Variants in PCDHA4 observed in about 807,000 individuals in gnomAD.
PCDHA4 encodes the protein protocadherin alpha 4.
A neutral mutation model predicts 61.4 loss-of-function variants in PCDHA4; 49 were observed. The ratio of observed to expected loss-of-function variants is 0.80; its 90% CI spans 0.63 to 1.01. The LOEUF is 1.01. Among genes scored for constraint, PCDHA4 ranks in the 50% least tolerant of loss-of-function variants. The pLI is 0.00. For synonymous variants in PCDHA4, 590 were observed against 550.3 expected (o/e 1.07, Z -1.01); for missense variants, 1,254 against 1,235.8 (o/e 1.01, Z -0.22).
At chr5:140,898,748 G>C (rs1397892217) in intron 1 of PCDHA4, among the ~76,000 whole-genome samples, 44 of 152,222 alleles carry the variant, frequency 2.9e-4, no homozygotes, top group Non-Finnish European at 5.0e-4. Context: ...TAGCTTGATG[G>C]GGATGGCATT....
Position 141,009,779 on chromosome 5 carries a change from A to G in PCDHA4, c.2686A>G (p.Ile896Val), listed in dbSNP as rs1289763016. 3.7e-6 allele frequency: 6 copies of G among 1,613,952 alleles called. No individual in the cohort carries two copies. Among genetic ancestry groups the G allele is most frequent in the Non-Finnish European group, 5.1e-6 (6 of 1,180,030 alleles). ...CCCAGGATCTCCTGCAATCATCTCCATCCGGCAGGAGCCTACTAACAGCCA... is the reference window on the plus strand; with the variant it reads ...CCCAGGATCTCCTGCAATCATCTCCGTCCGGCAGGAGCCTACTAACAGCCA... ...IIPGSPAIIS[I>V]RQEPTNSQID... The change falls in exon 4 of 4, where the codon ATC becomes GTC. Residue 896 changes from isoleucine to valine, a missense_variant. Coordinates refer to ENST00000530339, the MANE Select transcript of PCDHA4 (RefSeq NM_018907.4).
intron 3 of PCDHA4, among the ~76,000 whole-genome samples, chr5:141,005,572 C>T (rs548748234): frequency 4.6e-5 from 7 of 151,094 alleles, no homozygotes; most frequent in East Asian, 1.9e-4. Context: ...CATGGTGGCG[C>T]GTGCCTGTAG....
At chr5:140,858,847 CTA>C (rs1554152061) in intron 1 of PCDHA4, 1 of 294,410 alleles carries the variant, frequency 3.4e-6, no homozygotes, top group African/African-American at 2.3e-5. Context: ...TTCCACTGAT[CTA>C]TATCTCTTCA....
At chr5:140,984,441 T>A (rs1554246265) in intron 3 of PCDHA4, among the ~76,000 whole-genome samples, 3 of 152,200 alleles carry the variant, frequency 2.0e-5, no homozygotes, top group Admixed American at 6.5e-5. Context: ...TCTCCCTTGT[T>A]CCCTTTCTTA....
At chr5:141,004,445 T>C (rs2098166676) in intron 3 of PCDHA4, among the ~76,000 whole-genome samples, 1 of 152,206 alleles carries the variant, frequency 6.6e-6, no homozygotes. Flanking sequence ...CTGAGTCATA[T>C]AGAACCAGGA....
chr5:140,829,006 G>A (rs1461525244), intron 1 of PCDHA4: 2 of 1,613,752 alleles, frequency 1.2e-6, no homozygotes, highest in African/African-American at 1.3e-5. Context: ...TAGTGATTCG[G>A]GGTAATTTGG....
chr5:140,889,037 A>G (rs2062077417), intron 1 of PCDHA4, among the ~76,000 whole-genome samples: 1 of 151,994 alleles, frequency 6.6e-6, no homozygotes, highest in Non-Finnish European at 1.5e-5. Context: ...CCGTAATTTG[A>G]TTATAATTTA....
chr5:140,981,862 T>C (rs1160188291), intron 2 of PCDHA4, among the ~76,000 whole-genome samples: 1 of 152,212 alleles, frequency 6.6e-6, no homozygotes, highest in African/African-American at 2.4e-5. Flanking sequence ...CTCCCAGCAA[T>C]GTTTTATGCT....
intron 1 of PCDHA4, chr5:140,882,459 T>G (rs782544853): frequency 6.2e-7 from 1 of 1,613,996 alleles, no homozygotes; most frequent in South Asian, 1.1e-5. Context: ...CCGCGCCTGT[T>G]CCGGGTGGCG....
At chr5:140,861,554 C>G (rs1023234694) in intron 1 of PCDHA4, 16 of 398,878 alleles carry the variant, frequency 4.0e-5, no homozygotes, top group African/African-American at 3.3e-4. Flanking sequence ...TGGAAGTGAT[C>G]GTGGACAAGC....
At chr5:140,815,206 C>G (rs141510646) in intron 1 of PCDHA4, 9 of 152,052 alleles carry the variant, frequency 5.9e-5, no homozygotes, top group African/African-American at 1.7e-4. Flanking sequence ...ATTGATAGGG[C>G]ATAACTTACT....
intron 1 of PCDHA4, chr5:140,967,874 C>T: frequency 6.2e-7 from 1 of 1,614,132 alleles, no homozygotes; most frequent in Non-Finnish European, 8.5e-7. Context: ...GCTCACGGAC[C>T]TGTATAGCCC....
intron 1 of PCDHA4, chr5:140,825,350 T>C (rs548495464): frequency 2.0e-5 from 3 of 147,632 alleles, no homozygotes; most frequent in Non-Finnish European, 4.5e-5. Flanking sequence ...ATATATCTAA[T>C]ATATATTAGA....
intron 1 of PCDHA4, among the ~76,000 whole-genome samples, chr5:140,819,596 C>T (rs1208093967): frequency 6.6e-6 from 1 of 152,000 alleles, no homozygotes; most frequent in Non-Finnish European, 1.5e-5. Flanking sequence ...TGTTCTTTTC[C>T]TGTGGAGTCT....
chr5:140,974,944 T>C (rs1216786290), intron 1 of PCDHA4, among the ~76,000 whole-genome samples: 1 of 152,210 alleles, frequency 6.6e-6, no homozygotes, highest in African/African-American at 2.4e-5. Context: ...ACCTATTTGT[T>C]ATCTCACAGT....
At chr5:140,832,358 T>A (rs1293168381) in intron 1 of PCDHA4, among the ~76,000 whole-genome samples, 1 of 152,224 alleles carries the variant, frequency 6.6e-6, no homozygotes, top group African/African-American at 2.4e-5. Context: ...TTTCCTAATG[T>A]GAGCATTTTC....
At chr5:140,830,696 C>T (rs2150102603) in intron 1 of PCDHA4, 2 of 283,892 alleles carry the variant, frequency 7.0e-6, no homozygotes, top group East Asian at 1.4e-4. Flanking sequence ...CAATCTGCAC[C>T]TCAGAATTTT....
At chr5:140,954,149 G>A (rs1301810560) in intron 1 of PCDHA4, among the ~76,000 whole-genome samples, 2 of 152,204 alleles carry the variant, frequency 1.3e-5, no homozygotes, top group Non-Finnish European at 2.9e-5. Flanking sequence ...ATTCCATGGT[G>A]TATATGTACC....
At chr5:140,968,460 C>G (rs1554230749) in intron 1 of PCDHA4, 1 of 1,614,096 alleles carries the variant, frequency 6.2e-7, no homozygotes, top group Non-Finnish European at 8.5e-7. Flanking sequence ...ACTGTGACTG[C>G]CAACGTATAT....
Sources: gnomAD v4.1 joint callset for allele counts (sites outside exome capture counted in the v4.1 genomes callset) on GRCh38, gnomAD v4.1.1 for gene constraint, MANE v1.5 for transcripts, NCBI Gene and HGNC (gene_info 2026-07-23, HGNC 2026-07-21) for gene names.